The following CPA6 variants were observed in gnomAD, a reference collection of about 807,000 sequenced individuals.
The protein encoded by CPA6 is carboxypeptidase A6, also known as carboxypeptidase B.
A neutral mutation model predicts 63.3 loss-of-function variants in CPA6; 58 were observed. The ratio of observed to expected loss-of-function variants is 0.92; its 90% CI spans 0.74 to 1.14. The LOEUF (loss-of-function observed/expected upper bound fraction) is 1.14, where lower values mean the gene tolerates loss of function less well. Among genes scored for constraint, CPA6 ranks in the 50% most tolerant of loss-of-function variants. The pLI is 0.00. For missense variants in CPA6, 565 were observed against 526.6 expected, an observed-to-expected ratio of 1.07 and a Z score of -0.71; for synonymous variants, 185 against 179.0, an observed-to-expected ratio of 1.03 and a Z score of -0.27.
intron 2 of CPA6, among the ~76,000 whole-genome samples, chr8:67,524,238 AT>A (rs1812316908): frequency 6.6e-6 from 1 of 151,780 alleles, no homozygotes; most frequent in African/African-American, 2.4e-5. Flanking sequence ...CTTTCATAGA[AT>A]TTTTTTTCAC....
chr8:67,697,045 A>C (rs1816924963), intron 1 of CPA6, among the ~76,000 whole-genome samples: 1 of 152,240 alleles, frequency 6.6e-6, no homozygotes, highest in African/African-American at 2.4e-5. Flanking sequence ...GGTGGACATT[A>C]CACCCATTTT....
chr8:67,506,771 A>G lies in CPA6; in HGVS notation c.636+16T>C, dbSNP rs1440544464. ...TGACTAGCTGAAATGGACATTGTGT[A>G]AAGGGTTTAACTTACTTCTTTTACA... On this transcript the variant is annotated intron_variant, in intron 6 of 10. Coordinates refer to ENST00000297770, the MANE Select transcript of CPA6 (RefSeq NM_020361.5). 1 of 1,537,914 alleles carries G rather than the reference A, an allele frequency of 6.5e-7. No homozygotes were observed.
At chr8:67,434,832 G>A (rs1370170948) in intron 8 of CPA6, among the ~76,000 whole-genome samples, 1 of 152,224 alleles carries the variant, frequency 6.6e-6, no homozygotes, top group Non-Finnish European at 1.5e-5. Flanking sequence ...TGACAAAGGA[G>A]CCTCAGCCAA....
At chr8:67,518,362 C>A (rs1314774795) in intron 2 of CPA6, among the ~76,000 whole-genome samples, 7 of 151,998 alleles carry the variant, frequency 4.6e-5, no homozygotes, top group Admixed American at 4.6e-4. Context: ...ATTTGCTATG[C>A]AAATACTTGA....
At chr8:67,448,639 GAAA>G (rs61317091) in intron 8 of CPA6, among the ~76,000 whole-genome samples, 1 of 23,310 alleles carries the variant, frequency 4.3e-5, no homozygotes, top group South Asian at 1.4e-3. Flanking sequence ...CTCAAAAAAG[GAAA>G]AAAAAAAAAA....
chr8:67,671,940 CT>C (rs1816356581), intron 1 of CPA6, among the ~76,000 whole-genome samples: 1 of 152,144 alleles, frequency 6.6e-6, no homozygotes, highest in Non-Finnish European at 1.5e-5. Flanking sequence ...AACAATTCTC[CT>C]GCCTCAGCCT....
chr8:67,743,898 T>C (rs1172730378), intron 1 of CPA6, among the ~76,000 whole-genome samples: 1 of 152,110 alleles, frequency 6.6e-6, no homozygotes, highest in East Asian at 1.9e-4. Flanking sequence ...CCTTCATTAG[T>C]AGCAAAAAAC....
chr8:67,548,441 G>C (rs1227044300), intron 2 of CPA6, among the ~76,000 whole-genome samples: 2 of 151,584 alleles, frequency 1.3e-5, no homozygotes, highest in African/African-American at 4.8e-5. Flanking sequence ...ATTTTTAGTA[G>C]AGACAGGGTT....
At chr8:67,549,070 G>T (rs1812884612) in intron 2 of CPA6, among the ~76,000 whole-genome samples, 1 of 152,098 alleles carries the variant, frequency 6.6e-6, no homozygotes, top group African/African-American at 2.4e-5. Context: ...TTTTGAAAAA[G>T]CAAAAGAAAA....
At position 67,654,156 on chromosome 8, in the gene CPA6, G is replaced by T. The variant is rs537442589; in HGVS notation, c.117-29905C>A. Among the ~76,000 whole-genome samples, 842 of 152,216 alleles carry T rather than the reference G, an allele frequency of 5.5e-3. 9 individuals carry two copies. The highest frequency in any genetic ancestry group is 0.019 in the African/African-American group (791 of 41,538). On this transcript the variant is annotated intron_variant, in intron 1 of 10. Transcript: ENST00000297770. Reference sequence around the variant, plus strand: ...GGATTCCATTTGCCAGTATTTTATTGAGGATTTTTGCATCAATGTTCATCA... The same window carrying T: ...GGATTCCATTTGCCAGTATTTTATTTAGGATTTTTGCATCAATGTTCATCA...
intron 2 of CPA6, among the ~76,000 whole-genome samples, chr8:67,610,941 T>G (rs1302256866): frequency 6.6e-6 from 1 of 152,188 alleles, no homozygotes; most frequent in Non-Finnish European, 1.5e-5. Context: ...AGGATTACAT[T>G]AAATAACATG....
chr8:67,457,487 T>G (rs1810701941), intron 8 of CPA6, among the ~76,000 whole-genome samples: 1 of 152,086 alleles, frequency 6.6e-6, no homozygotes. Flanking sequence ...CCCTTCCTCT[T>G]TCCTCCAGTC....
intron 2 of CPA6, among the ~76,000 whole-genome samples, chr8:67,615,943 A>C (rs1451227685): frequency 6.6e-6 from 1 of 152,190 alleles, no homozygotes; most frequent in Non-Finnish European, 1.5e-5. Flanking sequence ...AGAAATTACA[A>C]CTGGTTCAGT....
chr8:67,723,457 G>A (rs183906296), intron 1 of CPA6, among the ~76,000 whole-genome samples: 151 of 152,278 alleles, frequency 9.9e-4, no homozygotes, highest in Admixed American at 9.5e-3. Flanking sequence ...GTGAGCCACC[G>A]TGCGTGGCGG....
At chr8:67,676,708 C>T (rs928580637) in intron 1 of CPA6, among the ~76,000 whole-genome samples, 2 of 152,134 alleles carry the variant, frequency 1.3e-5, no homozygotes, top group African/African-American at 4.8e-5. Flanking sequence ...TGAACTTTAC[C>T]ACCAGAAATA....
chr8:67,455,431 A>G (rs1194966029), intron 8 of CPA6, among the ~76,000 whole-genome samples: 1 of 152,106 alleles, frequency 6.6e-6, no homozygotes, highest in Non-Finnish European at 1.5e-5. Flanking sequence ...GGTTATCCTG[A>G]TAAATAACTC....
intron 1 of CPA6, among the ~76,000 whole-genome samples, chr8:67,654,222 G>A (rs946534803): frequency 1.8e-4 from 27 of 152,122 alleles, no homozygotes; most frequent in African/African-American, 6.5e-4. Flanking sequence ...TTGTGTCTCT[G>A]CCAGGCTTTG....
At chr8:67,639,264 A>G (rs1005084581) in intron 1 of CPA6, among the ~76,000 whole-genome samples, 6 of 151,604 alleles carry the variant, frequency 4.0e-5, no homozygotes, top group African/African-American at 1.5e-4. Context: ...CTCTGTGGCC[A>G]GTGGTGCCTT....
At chr8:67,672,719 C>T (rs370390674) in intron 1 of CPA6, among the ~76,000 whole-genome samples, 3 of 152,148 alleles carry the variant, frequency 2.0e-5, no homozygotes, top group East Asian at 1.9e-4. Flanking sequence ...GGCATCAAAC[C>T]GGTCTAAAGT....
Sources: gnomAD v4.1 joint callset for allele counts (sites outside exome capture counted in the v4.1 genomes callset) on GRCh38, gnomAD v4.1.1 for gene constraint, MANE v1.5 for transcripts, NCBI Gene and HGNC (gene_info 2026-07-23, HGNC 2026-07-21) for gene names.